The following CES5A variants were observed in gnomAD, a reference collection of about 807,000 sequenced individuals.
CES5A encodes the protein carboxylesterase 5A, also known as carboxylesterase 5.
CES5A carries 67 observed loss-of-function variants against 62.9 expected under a neutral mutation model. The observed-to-expected ratio is 1.07, with a 90% CI of 0.88 to 1.31. The LOEUF is 1.31. Ranked by LOEUF, CES5A falls within the 50% of genes most tolerant of loss-of-function variation. The pLI, the probability that CES5A is intolerant of heterozygous loss-of-function variation, is 0.00. For synonymous variants in CES5A, 296 were observed against 280.8 expected, an observed-to-expected ratio of 1.05 and a Z score of -0.54; for missense variants, 748 against 708.5, an observed-to-expected ratio of 1.06 and a Z score of -0.63.
At chr16:55,925,709 C>G (rs772486602), upstream of CES5A, among the ~76,000 whole-genome samples, 1 of 152,016 alleles carries the variant, frequency 6.6e-6, no homozygotes, top group Non-Finnish European at 1.5e-5. Context: ...TCATTTGCAG[C>G]AACATGGACA....
At chr16:55,898,303 G>A (rs1354500997) in intron 1 of CES5A, among the ~76,000 whole-genome samples, 1 of 152,126 alleles carries the variant, frequency 6.6e-6, no homozygotes, top group African/African-American at 2.4e-5. Context: ...GTGGCCATGA[G>A]GTGTCTAGGG....
chr16:55,948,188 AC>A (rs1175891968), intron 2 of CES5A, among the ~76,000 whole-genome samples: 3 of 152,154 alleles, frequency 2.0e-5, no homozygotes, highest in African/African-American at 4.8e-5. Context: ...TGTGGCTCAT[AC>A]TTTTTCCAAG....
chr16:55,879,487 C>G (rs936586809), upstream of CES5A, among the ~76,000 whole-genome samples: 1 of 151,488 alleles, frequency 6.6e-6, no homozygotes, highest in Non-Finnish European at 1.5e-5. Flanking sequence ...CATCCCATCT[C>G]TGTATCTCAT....
intron 1 of CES5A, among the ~76,000 whole-genome samples, chr16:55,891,245 C>T (rs1490458031): frequency 6.6e-6 from 1 of 152,220 alleles, no homozygotes; most frequent in African/African-American, 2.4e-5. Context: ...GGAATAAGAA[C>T]CCCTTCCCCT....
chr16:55,938,926 T>TG (rs1478709501), intron 2 of CES5A, among the ~76,000 whole-genome samples: 1 of 148,256 alleles, frequency 6.7e-6, no homozygotes, highest in East Asian at 2.0e-4. Flanking sequence ...GGAAGTGGGG[T>TG]GGGGGGTTGT....
At chr16:55,911,836 C>G (rs996761245) in intron 1 of CES5A, among the ~76,000 whole-genome samples, 3 of 152,184 alleles carry the variant, frequency 2.0e-5, no homozygotes, top group South Asian at 2.1e-4. Flanking sequence ...GTCTATGAAG[C>G]CTCCTCTGAG....
rs375372566 is a variant in CES5A at position 55,875,225 on chromosome 16, G to T, written c.-4C>A. 4.3e-6 allele frequency: 7 copies of T among 1,613,362 alleles called. No homozygotes were observed. Among genetic ancestry groups the T allele is most frequent in the Non-Finnish European group, 5.1e-6 (6 of 1,179,728 alleles). Reference sequence around the variant, plus strand: ...GGTGCACCCAATTCCCACTCATTTGGCTGCCTGCCTGCACTCTGTGAACAT... The same window carrying T: ...GGTGCACCCAATTCCCACTCATTTGTCTGCCTGCCTGCACTCTGTGAACAT... On this transcript the variant is annotated 5_prime_UTR_variant, in exon 1 of 13. Transcript: ENST00000290567.
intron 1 of CES5A, among the ~76,000 whole-genome samples, chr16:55,919,011 C>A (rs976146054): frequency 1.3e-5 from 2 of 152,220 alleles, no homozygotes; most frequent in Admixed American, 1.3e-4. Flanking sequence ...TCTTATGGGG[C>A]AGATTTCATC....
rs149464642 is a variant in CES5A, at chr16:55,943,327, A to G, written c.160+6458T>C. ...ACGAATGAGTAAACTGCGAGAGATC[A>G]GAATGAGGGAGCGACTCCCAAGGTC... On this transcript the variant is annotated intron_variant, in intron 2 of 13. Transcript: ENST00000521992. Among the ~76,000 whole-genome samples the G allele has an allele frequency of 2.3e-3, 351 of 152,338 alleles. 3 individuals carry two copies. Among genetic ancestry groups the G allele is most frequent in the Non-Finnish European group, 3.0e-3 (204 of 68,030 alleles).
rs556815630 is a variant in CES5A, at chr16:55,875,201, G to A, written c.21C>T (p.His7=). MSGNWV[H]PGQILIWAIW... ...TAGCCCAAATTAGGATCTGGCCTGG[G>A]TGCACCCAATTCCCACTCATTTGGC... Residue 7 remains histidine (H), a synonymous_variant, in exon 1 of 13, where the codon CAC becomes CAT. Coordinates refer to ENST00000290567, the MANE Select transcript of CES5A (RefSeq NM_001143685.2). 6.2e-6 allele frequency: 10 copies of A among 1,613,882 alleles called. No individual in the cohort carries two copies. In the South Asian group the frequency reaches 1.1e-4, roughly 18 times the overall value.
At chr16:55,925,086 C>T (rs1375574402) in intron 1 of CES5A, among the ~76,000 whole-genome samples, 1 of 151,982 alleles carries the variant, frequency 6.6e-6, no homozygotes, top group East Asian at 1.9e-4. Context: ...AGACAACCCA[C>T]AGAATGAGAA....
chr16:55,883,944 C>T (rs1237101136), intron 1 of CES5A, among the ~76,000 whole-genome samples: 1 of 152,208 alleles, frequency 6.6e-6, no homozygotes, highest in Non-Finnish European at 1.5e-5. Flanking sequence ...CGTAGGTCCC[C>T]ACTCTAACAG....
intron 1 of CES5A, among the ~76,000 whole-genome samples, chr16:55,913,565 C>T (rs796808029): frequency 3.3e-5 from 5 of 152,326 alleles, no homozygotes; most frequent in African/African-American, 1.2e-4. Context: ...AAACCATGAA[C>T]TGAATCCCTT....
chr16:55,904,177 A>G (rs1263285174), intron 1 of CES5A, among the ~76,000 whole-genome samples: 1 of 152,238 alleles, frequency 6.6e-6, no homozygotes, highest in Admixed American at 6.5e-5. Context: ...AGATTCCTGG[A>G]ATTTAATTTA....
chr16:55,932,563 G>A (rs939402778), intron 2 of CES5A, among the ~76,000 whole-genome samples: 1 of 147,088 alleles, frequency 6.8e-6, no homozygotes, highest in South Asian at 2.3e-4. Context: ...AAATAATGGG[G>A]GGGGGAGGGT....
intron 1 of CES5A, among the ~76,000 whole-genome samples, chr16:55,895,371 C>CG (rs1284862852): frequency 6.6e-6 from 1 of 152,204 alleles, no homozygotes; most frequent in Admixed American, 6.5e-5. Context: ...AGCAAATCCA[C>CG]GGGGGGCAGT....
At chr16:55,850,457 G>A (rs568054395) in intron 10 of CES5A, among the ~76,000 whole-genome samples, 7 of 152,222 alleles carry the variant, frequency 4.6e-5, no homozygotes, top group African/African-American at 7.2e-5. Flanking sequence ...TGAACATTTC[G>A]TATAAATGGG....
intron 1 of CES5A, among the ~76,000 whole-genome samples, chr16:55,890,820 C>G (rs1365306098): frequency 6.6e-6 from 1 of 152,148 alleles, no homozygotes; most frequent in Non-Finnish European, 1.5e-5. Flanking sequence ...GTTTATTTCG[C>G]CAAGGTTGAG....
chr16:55,875,745 G>A (rs888003214), upstream of CES5A, among the ~76,000 whole-genome samples: 1 of 152,160 alleles, frequency 6.6e-6, no homozygotes, highest in Admixed American at 6.5e-5. Context: ...ATGGCCATTT[G>A]GTCTACAGCC....
Sources: gnomAD v4.1 joint callset for allele counts (sites outside exome capture counted in the v4.1 genomes callset) on GRCh38, gnomAD v4.1.1 for gene constraint, MANE v1.5 for transcripts, NCBI Gene and HGNC (gene_info 2026-07-23, HGNC 2026-07-21) for gene names.